Variants in PLPPR2 observed in about 807,000 individuals in gnomAD.
The protein encoded by PLPPR2 is phospholipid phosphatase-related protein type 2.
A neutral mutation model predicts 40.3 loss-of-function variants in PLPPR2; 11 were observed. The ratio of observed to expected loss-of-function variants is 0.27; its 90% CI spans 0.17 to 0.45. PLPPR2 has a LOEUF of 0.45. PLPPR2 is among the 20% of genes least tolerant of loss of function. PLPPR2 has a pLI of 1.00. For missense variants in PLPPR2, 497 were observed against 640.7 expected, an observed-to-expected ratio of 0.78 and a Z score of 2.42; for synonymous variants, 260 against 290.8, an observed-to-expected ratio of 0.89 and a Z score of 1.08.
At position 11,364,124 on chromosome 19, in the gene PLPPR2, G is replaced by A. The variant is rs1322710668; in HGVS notation, c.964-37G>A. On this transcript the variant is annotated intron_variant, in intron 8 of 9. Coordinates refer to ENST00000688289, the MANE Select transcript of PLPPR2 (RefSeq NM_001393892.1). This position sits in a 1 kb window ranked among gnomAD's most constrained non-coding sequence, Gnocchi z 5.8. Reference sequence around the variant, plus strand: ...GTGGCTGTGGCCGGTAGGGCCCAGGGGGCCACTAGCCCCTTCCGTCTGTCT... The same window carrying A: ...GTGGCTGTGGCCGGTAGGGCCCAGGAGGCCACTAGCCCCTTCCGTCTGTCT... 1.3e-6 allele frequency: 2 copies of A among 1,588,836 alleles called. No homozygotes were observed. Among genetic ancestry groups the A allele is most frequent in the Admixed American group, 3.5e-5 (2 of 56,540 alleles).
chr19:11,360,156 C>A (rs1245204577), intron 5 of PLPPR2, among the ~76,000 whole-genome samples, 200 bp downstream of exon 5: 2 of 152,146 alleles, frequency 1.3e-5, no homozygotes, highest in African/African-American at 4.8e-5. Context: ...CATGGCGAAA[C>A]CCTGTCTGTA....
At position 11,363,666 on chromosome 19, in the gene PLPPR2, A is replaced by T. The variant is rs368109675; in HGVS notation, c.841-47A>T. The T allele has an allele frequency of 2.4e-4, 383 of 1,564,864 alleles. No homozygotes were observed. Among genetic ancestry groups the T allele is most frequent in the Non-Finnish European group, 3.2e-4 (374 of 1,150,990 alleles). On this transcript the variant is annotated intron_variant, in intron 7 of 9. Transcript: ENST00000688289. This position sits in a 1 kb window ranked among gnomAD's most constrained non-coding sequence, Gnocchi z 4.8. ...TGGGGATGGTATTTACATGGCTCCT[A>T]TGTGACTTGCCCCAGGCCTCAACAC...
In PLPPR2 at chr19:11,363,788, C is replaced by A; in HGVS notation, c.916C>A (p.Gln306Lys). ...GCTCTCTCCCTGGGAGGACCTGGGC[C>A]AAGCCCCCACCATGGATAGCCCCCT... ...RRLSPWEDLG[Q>K]APTMDSPLEK... is the part of the protein sequence containing the mutation. The change falls in exon 8 of 10, where the codon CAA becomes AAA. Residue 306 changes from glutamine to lysine, a missense_variant. Gln to Lys is a moderately conservative substitution (Grantham distance 53). Coordinates refer to ENST00000688289, the MANE Select transcript of PLPPR2 (RefSeq NM_001393892.1). This position sits in a 1 kb window ranked among gnomAD's most constrained non-coding sequence, Gnocchi z 4.8. 1 of 1,614,192 alleles carries A rather than the reference C, an allele frequency of 6.2e-7. No homozygotes were observed. Among genetic ancestry groups the A allele is most frequent in the Non-Finnish European group, 8.5e-7 (1 of 1,180,012 alleles).
In PLPPR2 at chr19:11,362,772, G is replaced by A; in HGVS notation, c.840+83G>A. The stretch of plus-strand genomic sequence containing the variant: ...AGAGGCAGGACCACATGATGGAGAA[G>A]GGTGTGGACTCTGTGTGACCTTGGG... On this transcript the variant is annotated intron_variant, in intron 7 of 9. Coordinates refer to ENST00000688289, the MANE Select transcript of PLPPR2 (RefSeq NM_001393892.1). The surrounding 1 kb of genome is among the most constrained non-coding windows in gnomAD (Gnocchi z 5.3). The A allele has an allele frequency of 1.4e-6, 2 of 1,458,778 alleles. No individual in the cohort carries two copies. The highest frequency in any genetic ancestry group is 3.9e-5 in the Admixed American group (2 of 51,006). The allele number at this position is 1,458,778 out of a possible 1,614,324, so 90.4% of individuals were successfully genotyped here.
At position 11,361,500 on chromosome 19, in the gene PLPPR2, G is replaced by C; in HGVS notation, c.663+12G>C. On this transcript the variant is annotated intron_variant, in intron 6 of 9. Transcript: ENST00000688289. The surrounding 1 kb of genome is among the most constrained non-coding windows in gnomAD (Gnocchi z 6.3). ...TCACCTACACAGCGGTGAGCTTCGG[G>C]AGCTTCGGGGTCGGAAATGGGTGTG... The C allele has an allele frequency of 1.3e-6, 2 of 1,584,876 alleles. No homozygotes were observed. Among genetic ancestry groups the C allele is most frequent in the Non-Finnish European group, 1.7e-6 (2 of 1,168,918 alleles).
In PLPPR2 at chr19:11,364,451, T is replaced by G. The variant is rs1568323411; in HGVS notation, c.1120T>G (p.Ser374Ala). Reference protein sequence around the residue: ...SPRVPRPRLRSEPTPLPLPLP... With the variant: ...SPRVPRPRLRAEPTPLPLPLP... ...CCGTGTGCCCCGTCCTCGATTGAGG[T>G]CTGAGCCGACGCCCTTGCCCCTGCC... The change falls in exon 10 of 10, where the codon TCT becomes GCT. Residue 374 changes from serine (S) to alanine (A), a missense_variant. Ser to Ala is a moderately conservative substitution (Grantham distance 99). Transcript: ENST00000688289. The surrounding 1 kb of genome is among the most constrained non-coding windows in gnomAD (Gnocchi z 5.8). The G allele has an allele frequency of 6.6e-7, 1 of 1,520,026 alleles. No individual in the cohort carries two copies. Among genetic ancestry groups the G allele is most frequent in the South Asian group, 1.3e-5 (1 of 77,956 alleles). 94.2% of individuals were successfully genotyped at this position (1,520,026 alleles called of 1,614,324 possible).
intron 1 of PLPPR2, among the ~76,000 whole-genome samples, chr19:11,356,498 A>G (rs888697648): frequency 3.3e-5 from 5 of 151,920 alleles, no homozygotes; most frequent in African/African-American, 1.2e-4. Flanking sequence ...CTGACAGGCT[A>G]TGAGCCCACT....
Position 11,364,251 on chromosome 19 carries a change from T to G in PLPPR2, c.1015+39T>G. 3 of 1,589,338 alleles carry G rather than the reference T, an allele frequency of 1.9e-6. No individual in the cohort carries two copies. The highest frequency in any genetic ancestry group is 1.7e-6 in the Non-Finnish European group (2 of 1,165,948). ...GAGTGGGGGGCTAAACAGGGGGACTTCCAGGTGGGCAGCCACTGCCCCAGA... is the reference window on the plus strand; with the variant it reads ...GAGTGGGGGGCTAAACAGGGGGACTGCCAGGTGGGCAGCCACTGCCCCAGA... On this transcript the variant is annotated intron_variant, in intron 9 of 9. Coordinates refer to ENST00000688289, the MANE Select transcript of PLPPR2 (RefSeq NM_001393892.1). The surrounding 1 kb of genome is among the most constrained non-coding windows in gnomAD (Gnocchi z 5.8).
chr19:11,364,508 G>A lies in PLPPR2; in HGVS notation c.1177G>A (p.Gly393Ser), dbSNP rs949840923. ...LPLPAPTPSQ[G>S]PSPSSPGPGG... ...CCTGCCAGCGCCCACCCCCAGCCAG[G>A]GCCCCTCGCCTTCCTCCCCTGGACC... The change falls in exon 10 of 10, where the codon GGC (glycine) becomes AGC (serine). Residue 393 changes from glycine (G) to serine (S), a missense_variant. By Grantham distance (56) the Gly-to-Ser change is moderately conservative. Transcript: ENST00000688289. The surrounding 1 kb of genome is among the most constrained non-coding windows in gnomAD (Gnocchi z 5.8). The A allele has an allele frequency of 1.6e-5, 25 of 1,526,274 alleles. No homozygotes were observed. The African/African-American group carries it at 1.8e-4, about 11-fold the overall frequency. 94.5% of individuals were successfully genotyped at this position (1,526,274 alleles called of 1,614,324 possible).
chr19:11,356,318 G>A (rs576031530), intron 1 of PLPPR2, among the ~76,000 whole-genome samples: 38 of 152,068 alleles, frequency 2.5e-4, no homozygotes, highest in African/African-American at 6.3e-4. Flanking sequence ...CATTGTGTGC[G>A]GTGACTCTTT....
In PLPPR2 at chr19:11,359,423, T is replaced by G. The variant is rs1967982731; in HGVS notation, c.67-109T>G. The G allele has an allele frequency of 9.7e-7, 1 of 1,032,894 alleles. No homozygotes were observed. Among genetic ancestry groups the G allele is most frequent in the African/African-American group, 1.6e-5 (1 of 61,142 alleles). 64.0% of individuals were successfully genotyped at this position (1,032,894 alleles called of 1,614,324 possible). On this transcript the variant is annotated intron_variant, in intron 3 of 9. Coordinates refer to ENST00000688289, the MANE Select transcript of PLPPR2 (RefSeq NM_001393892.1). The surrounding 1 kb of genome is among the most constrained non-coding windows in gnomAD (Gnocchi z 5.6). ...CTCTCTCCATCTTCTAGTTTCTGTC[T>G]CTAACCCATGTTTCTCCATCTCTGT...
In PLPPR2 at chr19:11,359,189, T is replaced by C. The variant is rs1461062260; in HGVS notation, c.67-343T>C. 1.3e-5 allele frequency among the ~76,000 whole-genome samples: 2 copies of C among 151,876 alleles called. No homozygotes were observed. The highest frequency in any genetic ancestry group is 2.9e-5 in the Non-Finnish European group (2 of 67,964). On this transcript the variant is annotated intron_variant, in intron 3 of 9. Transcript: ENST00000688289. This position sits in a 1 kb window ranked among gnomAD's most constrained non-coding sequence, Gnocchi z 5.6. ...GCCTCCCAAGTAGCTGGGACTATAG[T>C]TGTACAGAGATAAGGTCATGCGATC... is the stretch of plus-strand genomic sequence containing the variant.
In PLPPR2 at chr19:11,361,245, G is replaced by A; in HGVS notation, c.420G>A (p.Thr140=). The A allele has an allele frequency of 3.1e-6, 5 of 1,612,110 alleles. No individual in the cohort carries two copies. The highest frequency in any genetic ancestry group is 2.7e-5 in the African/African-American group (2 of 75,006). The part of the protein sequence containing the change: ...LGVYSFGLFT[T]TIFANAGQVV... ...TCTACTCCTTCGGCCTCTTCACCACGACCATCTTCGCCAACGCGGGGCAGG... is the reference window on the plus strand; with the variant it reads ...TCTACTCCTTCGGCCTCTTCACCACAACCATCTTCGCCAACGCGGGGCAGG... Residue 140 remains threonine (T), a synonymous_variant, in exon 6 of 10, where the codon ACG becomes ACA. Coordinates refer to ENST00000688289, the MANE Select transcript of PLPPR2 (RefSeq NM_001393892.1). The surrounding 1 kb of genome is among the most constrained non-coding windows in gnomAD (Gnocchi z 6.3).
intron 5 of PLPPR2, among the ~76,000 whole-genome samples, chr19:11,360,950 C>T (rs1968026618): frequency 6.6e-6 from 1 of 151,890 alleles, no homozygotes; most frequent in African/African-American, 2.4e-5. Flanking sequence ...GGTCCAAGCC[C>T]AGCTATAATG....
In PLPPR2 at chr19:11,361,612, C is replaced by T. The variant is rs1004193585; in HGVS notation, c.663+124C>T. ...CCCCGGGTGCTGTTGGAAGCTCTCGCTCCACGCCCCGACCTGTTGGAAGCT... is the reference window on the plus strand; with the variant it reads ...CCCCGGGTGCTGTTGGAAGCTCTCGTTCCACGCCCCGACCTGTTGGAAGCT... On this transcript the variant is annotated intron_variant, in intron 6 of 9. Transcript: ENST00000688289. The surrounding 1 kb of genome is among the most constrained non-coding windows in gnomAD (Gnocchi z 6.3). The T allele has an allele frequency of 4.6e-6, 6 of 1,317,754 alleles. No individual in the cohort carries two copies. Among genetic ancestry groups the T allele is most frequent in the African/African-American group, 4.5e-5 (3 of 66,514 alleles). The allele number at this position is 1,317,754 out of a possible 1,614,324, so 81.6% of individuals were successfully genotyped here. A position where few individuals can be genotyped will look rare whatever the true frequency, so the allele number is the denominator to read the frequency against.
At position 11,363,863 on chromosome 19, in the gene PLPPR2, C is replaced by T; in HGVS notation, c.963+28C>T. 6.2e-7 allele frequency: 1 copy of T among 1,605,434 alleles called. No homozygotes were observed. The highest frequency in any genetic ancestry group is 8.5e-7 in the Non-Finnish European group (1 of 1,175,084). On this transcript the variant is annotated intron_variant, in intron 8 of 9. Coordinates refer to ENST00000688289, the MANE Select transcript of PLPPR2 (RefSeq NM_001393892.1). The surrounding 1 kb of genome is among the most constrained non-coding windows in gnomAD (Gnocchi z 4.8). ...AAGGGGGGCCGGGGGCTGCTCCCGG[C>T]TGGAGAGGGTGGTGGGTGGAGGGGG...
intron 5 of PLPPR2, among the ~76,000 whole-genome samples, chr19:11,360,396 A>ACCAG (rs1968011444): frequency 6.6e-6 from 1 of 152,038 alleles, no homozygotes; most frequent in African/African-American, 2.4e-5. Context: ...ACTTGGGATT[A>ACCAG]CTAGCTACTT....
Position 11,364,368 on chromosome 19 carries a change from G to T in PLPPR2, c.1037G>T (p.Arg346Leu). The change falls in exon 10 of 10, where the codon CGT becomes CTT. Residue 346 changes from arginine (R) to leucine (L), a missense_variant. Physicochemically the swap from Arg to Leu is moderately radical, Grantham distance 102. Transcript: ENST00000688289. This position sits in a 1 kb window ranked among gnomAD's most constrained non-coding sequence, Gnocchi z 5.8. ...CCAGAGTCGCAGAACTGCGCCCGCC[G>T]TGGCCACCTGATCCCCAGCTGTGTC... ...TPSKSQNCAR[R>L]GHLIPSCVSS... 6.6e-7 allele frequency: 1 copy of T among 1,519,494 alleles called. No individual in the cohort carries two copies. Among genetic ancestry groups the T allele is most frequent in the Non-Finnish European group, 8.8e-7 (1 of 1,135,308 alleles). The allele number at this position is 1,519,494 out of a possible 1,614,324, so 94.1% of individuals were successfully genotyped here.
intron 3 of PLPPR2, among the ~76,000 whole-genome samples, chr19:11,358,064 C>CAT (rs1967942907): frequency 1.3e-5 from 2 of 150,132 alleles, no homozygotes; most frequent in Admixed American, 6.6e-5. Context: ...TGTGTGTGTA[C>CAT]GTGTGTTTGA....
Sources: allele counts gnomAD v4.1 joint callset (sites outside exome capture counted in the v4.1 genomes callset), GRCh38; gene constraint gnomAD v4.1.1; non-coding constraint Gnocchi (gnomAD v3.1); transcripts MANE v1.5; gene names NCBI Gene and HGNC (gene_info 2026-07-23, HGNC 2026-07-21).